The following ATAD3A variants were observed in gnomAD, a reference collection of about 807,000 sequenced individuals.
The protein encoded by ATAD3A is ATPase family AAA domain-containing protein 3A.
In ATAD3A, 46 loss-of-function variants were observed where a neutral mutation model predicts 73.8. That is an observed-to-expected ratio of 0.62 (90% CI 0.49 to 0.80). The LOEUF is 0.80. Among genes scored for constraint, ATAD3A ranks in the 30% least tolerant of loss-of-function variants. ATAD3A has a pLI of 0.00. For synonymous variants in ATAD3A, 319 were observed against 350.0 expected (o/e 0.91, Z 0.99); for missense variants, 705 against 838.0 (o/e 0.84, Z 1.96).
chr1:1,534,037 G>A lies in ATAD3A; in HGVS notation c.1726G>A (p.Gly576Arg), dbSNP rs769601090. The A allele has an allele frequency of 9.3e-6, 15 of 1,613,356 alleles. No homozygotes were observed. Among genetic ancestry groups the A allele is most frequent in the Middle Eastern group, 1.7e-4 (1 of 6,056 alleles). Reference protein sequence around the residue: ...QQKMCWLKAEGPGRGDEPSPS With the variant: ...QQKMCWLKAERPGRGDEPSPS ...GAAGATGTGCTGGCTGAAGGCGGAA[G>A]GGCCTGGGCGTGGGGACGAGCCCTC... Residue 576 changes from glycine (G) to arginine (R), a missense_variant, in exon 16 of 16, where the codon GGG (glycine) becomes AGG (arginine). By Grantham distance (125) the Gly-to-Arg change is moderately radical. Around this residue, in one of 5 missense-constraint regions of ATAD3A, gnomAD observed 252 missense variants for 278.5 expected, o/e 0.90. Coordinates refer to ENST00000378756, the MANE Select transcript of ATAD3A (RefSeq NM_001170535.3).
Position 1,520,620 on chromosome 1 carries a change from A to T in ATAD3A, c.750+3A>T, listed in dbSNP as rs1243379295. Reference sequence around the variant, plus strand: ...ACTGGGACAAAGTGACAGCCACGGTAAACATACTCATAAAACAGGGCTGGC... The same window carrying T: ...ACTGGGACAAAGTGACAGCCACGGTTAACATACTCATAAAACAGGGCTGGC... On this transcript the variant is annotated splice_donor_region_variant and intron_variant, in intron 7 of 15. Transcript: ENST00000378756. This position sits in a 1 kb window ranked among gnomAD's most constrained non-coding sequence, Gnocchi z 4.0. The T allele has an allele frequency of 6.2e-7, 1 of 1,613,424 alleles. No homozygotes were observed.
chr1:1,529,991 A>G (rs1271964546), intron 15 of ATAD3A, among the ~76,000 whole-genome samples: 2 of 152,258 alleles, frequency 1.3e-5, no homozygotes, highest in African/African-American at 4.8e-5. Flanking sequence ...TGGGGTCCGC[A>G]GAGTCTGTGT....
At chr1:1,529,924 C>T (rs1312458492) in intron 15 of ATAD3A, among the ~76,000 whole-genome samples, 1 of 152,206 alleles carries the variant, frequency 6.6e-6, no homozygotes, top group Non-Finnish European at 1.5e-5. Flanking sequence ...GCTGGAAAAG[C>T]AAAACCAGGT....
intron 1 of ATAD3A, among the ~76,000 whole-genome samples, chr1:1,514,306 G>A (rs1641287151): frequency 1.3e-5 from 2 of 151,998 alleles, no homozygotes; most frequent in African/African-American, 4.8e-5. Flanking sequence ...GCTCCTCACC[G>A]TGACACCCAC....
Position 1,534,183 on chromosome 1 carries a change from C to T in ATAD3A, c.*111C>T, listed in dbSNP as rs1028473498. The T allele has an allele frequency of 1.9e-6, 3 of 1,569,664 alleles. No homozygotes were observed. Among genetic ancestry groups the T allele is most frequent in the Non-Finnish European group, 2.6e-6 (3 of 1,158,008 alleles). Reference sequence around the variant, plus strand: ...GCTCCTGGGTGGGGACTGGGCTGTGCCCAGGGCCTCTGTCCCCCAGGATGT... The same window carrying T: ...GCTCCTGGGTGGGGACTGGGCTGTGTCCAGGGCCTCTGTCCCCCAGGATGT... On this transcript the variant is annotated 3_prime_UTR_variant, in exon 16 of 16. Coordinates refer to ENST00000378756, the MANE Select transcript of ATAD3A (RefSeq NM_001170535.3).
intron 15 of ATAD3A, among the ~76,000 whole-genome samples, chr1:1,529,599 CCCGAGCTTTG>C (rs1054509935): frequency 7.9e-5 from 12 of 152,236 alleles, no homozygotes; most frequent in African/African-American, 2.9e-4. Context: ...ATCGCCGTAG[CCCGAGCTTTG>C]CCAGGTGGGG....
chr1:1,519,468 T>C (rs553925474), intron 5 of ATAD3A, among the ~76,000 whole-genome samples: 84 of 67,810 alleles, frequency 1.2e-3, no homozygotes, highest in Admixed American at 3.4e-3. Flanking sequence ...GATCTCATTA[T>C]CCGCCTGCCT....
intron 12 of ATAD3A, among the ~76,000 whole-genome samples, 191 bp from the exon 13 acceptor site, chr1:1,526,270 C>T (rs780598960): frequency 1.3e-5 from 2 of 152,176 alleles, no homozygotes; most frequent in Non-Finnish European, 2.9e-5. Context: ...ATCTGCCCGC[C>T]TCAGCCTCCC....
intron 15 of ATAD3A, among the ~76,000 whole-genome samples, chr1:1,530,753 C>T (rs1642004371): frequency 2.1e-5 from 2 of 93,806 alleles, no homozygotes; most frequent in Non-Finnish European, 1.6e-5. Flanking sequence ...GGCATGAACC[C>T]GGGAGGCGGA....
chr1:1,534,271 G>C lies in ATAD3A; in HGVS notation c.*199G>C, dbSNP rs1412360418. On this transcript the variant is annotated 3_prime_UTR_variant, in exon 16 of 16. Coordinates refer to ENST00000378756, the MANE Select transcript of ATAD3A (RefSeq NM_001170535.3). Reference sequence around the variant, plus strand: ...CCCCCTGTTGTAGGCACTGGCTAGGGAGGGGCAGGCCTCCTTCCTGCCCCT... The same window carrying C: ...CCCCCTGTTGTAGGCACTGGCTAGGCAGGGGCAGGCCTCCTTCCTGCCCCT... The C allele has an allele frequency of 2.1e-6, 3 of 1,462,552 alleles. No individual in the cohort carries two copies. The highest frequency in any genetic ancestry group is 2.7e-6 in the Non-Finnish European group (3 of 1,116,318). 90.6% of individuals were successfully genotyped at this position (1,462,552 alleles called of 1,614,324 possible).
At chr1:1,532,802 G>GGTC in intron 15 of ATAD3A, among the ~76,000 whole-genome samples, 1 of 152,058 alleles carries the variant, frequency 6.6e-6, no homozygotes, top group African/African-American at 2.4e-5. Flanking sequence ...CAGTGGTGGT[G>GGTC]CGGCTCTGGT....
In ATAD3A at chr1:1,519,994, C is replaced by T. The variant is rs1481088633; in HGVS notation, c.515-147C>T. 1.8e-5 allele frequency: 25 copies of T among 1,400,786 alleles called. No homozygotes were observed. The East Asian group carries it at 5.3e-4, about 29-fold the overall frequency. 86.8% of individuals were successfully genotyped at this position (1,400,786 alleles called of 1,614,324 possible). On this transcript the variant is annotated intron_variant, in intron 5 of 15. Coordinates refer to ENST00000378756, the MANE Select transcript of ATAD3A (RefSeq NM_001170535.3). The stretch of plus-strand genomic sequence containing the variant: ...GTCAGCAGTGTGGGCCTGTCCATGG[C>T]GTGGGCCGGTCCGTGGCATGGGCCT...
At chr1:1,529,656 C>T (rs1641969214) in intron 15 of ATAD3A, among the ~76,000 whole-genome samples, 1 of 152,184 alleles carries the variant, frequency 6.6e-6, no homozygotes, top group Admixed American at 6.5e-5. Flanking sequence ...CCAATAGGCA[C>T]CTCCCTGTGT....
At chr1:1,533,290 C>G (rs1642097616) in intron 15 of ATAD3A, among the ~76,000 whole-genome samples, 1 of 152,220 alleles carries the variant, frequency 6.6e-6, no homozygotes, top group Non-Finnish European at 1.5e-5. Flanking sequence ...GGGTGCCTCC[C>G]CTTGGGGACT....
Position 1,527,791 on chromosome 1 carries a change from G to C in ATAD3A, c.1434G>C (p.Gln478His). The change falls in exon 14 of 16, where the codon CAG becomes CAC. Residue 478 changes from glutamine (Q) to histidine (H), a missense_variant. This residue lies in a region of ATAD3A where 252 missense variants were observed against 278.5 expected (regional missense o/e 0.90). Coordinates refer to ENST00000378756, the MANE Select transcript of ATAD3A (RefSeq NM_001170535.3). ...TGGTCCACTTCGACCTGCCAGGGCA[G>C]GAGGAACGGGAGCGCCTGGTGAGAA... ...NEMVHFDLPG[Q>H]EERERLVRMY... The C allele has an allele frequency of 1.2e-6, 2 of 1,614,046 alleles. No individual in the cohort carries two copies. The highest frequency in any genetic ancestry group is 1.7e-6 in the Non-Finnish European group (2 of 1,179,978).
At chr1:1,532,193 C>T (rs1642055209) in intron 15 of ATAD3A, among the ~76,000 whole-genome samples, 3 of 152,038 alleles carry the variant, frequency 2.0e-5, no homozygotes, top group Non-Finnish European at 4.4e-5. Context: ...ATTGGTTTTG[C>T]TGGCATTTTG....
At position 1,520,685 on chromosome 1, in the gene ATAD3A, C is replaced by A; in HGVS notation, c.750+68C>A. 1 of 1,612,014 alleles carries A rather than the reference C, an allele frequency of 6.2e-7. No individual in the cohort carries two copies. The highest frequency in any genetic ancestry group is 8.5e-7 in the Non-Finnish European group (1 of 1,179,056). ...CAGCATGTGGGGGCCTCCTGGAGCC[C>A]CAGGTCCTGTCCCTGCCGGCTCTGC... On this transcript the variant is annotated intron_variant, in intron 7 of 15. Transcript: ENST00000378756. The surrounding 1 kb of genome is among the most constrained non-coding windows in gnomAD (Gnocchi z 4.0).
chr1:1,515,890 G>C, intron 1 of ATAD3A, 122 bp from the exon 2 acceptor site: 2 of 1,047,714 alleles, frequency 1.9e-6, no homozygotes, highest in Non-Finnish European at 2.8e-6. Flanking sequence ...GGGAGGCAGG[G>C]CTGGGGGCTT....
intron 1 of ATAD3A, among the ~76,000 whole-genome samples, 169 bp from the exon 2 acceptor site, chr1:1,515,843 T>G (rs2478795): frequency 0.017 from 2,633 of 152,172 alleles, 71 homozygotes; most frequent in African/African-American, 0.055. Context: ...CTGGGGATGG[T>G]GCATCGTCAC....
Sources: allele counts gnomAD v4.1 joint callset (sites outside exome capture counted in the v4.1 genomes callset), GRCh38; gene constraint gnomAD v4.1.1; regional missense constraint gnomAD v4.1.1; non-coding constraint Gnocchi (gnomAD v3.1); transcripts MANE v1.5; gene names NCBI Gene and HGNC (gene_info 2026-07-23, HGNC 2026-07-21).